The following DAB1 variants were observed in gnomAD, a reference collection of about 807,000 sequenced individuals.
The protein encoded by DAB1 is disabled homolog 1.
Under a neutral mutation model 64.6 loss-of-function variants are expected in DAB1, and 15 were observed. The observed-to-expected ratio is 0.23, with a 90% CI of 0.16 to 0.36. The LOEUF is 0.36. DAB1 is among the 10% of genes least tolerant of loss of function. DAB1 has a pLI of 1.00. For synonymous variants in DAB1, 235 were observed against 251.9 expected (o/e 0.93, Z 0.64); for missense variants, 596 against 706.7 (o/e 0.84, Z 1.78).
At position 57,611,931 on chromosome 1, in the gene DAB1, C is replaced by T. The variant is rs1570673202; in HGVS notation, n.625+37661G>A. Among the ~76,000 whole-genome samples, 6 of 152,296 alleles carry T rather than the reference C, an allele frequency of 3.9e-5. No individual in the cohort carries two copies. In the South Asian group the frequency reaches 1.2e-3, roughly 32 times the overall value. ...CCTGACTTCCTTCATAAGACCCACC[C>T]CCCTGCCAACTGTTATGTAGTGTCA... On this transcript the variant is annotated intron_variant and non_coding_transcript_variant, in intron 7 of 20. Transcript: ENST00000485760.
intron 6 of DAB1, among the ~76,000 whole-genome samples, chr1:57,692,106 G>T (rs3131770): frequency 6.6e-6 from 1 of 151,716 alleles, no homozygotes; most frequent in African/African-American, 2.4e-5. Context: ...GATTGACCCC[G>T]TGGCCACAAG....
chr1:57,987,227 C>G (rs573689205), intron 5 of DAB1, among the ~76,000 whole-genome samples: 2 of 152,308 alleles, frequency 1.3e-5, no homozygotes, highest in South Asian at 4.1e-4. Context: ...AACTGCAGCT[C>G]CCTGCACAGC....
intron 7 of DAB1, among the ~76,000 whole-genome samples, chr1:57,489,928 C>T (rs1570567809): frequency 6.6e-6 from 1 of 152,102 alleles, no homozygotes. Context: ...CCAATGTGAT[C>T]CATTTAGGAG....
rs116771892 is a variant in DAB1 at position 58,469,439 on chromosome 1, G to A, written n.257+36621C>T. Reference sequence around the variant, plus strand: ...ATTAGTTCCTTCCCTATCCCACTATGACATTATTAGGGGAAAAGAAATCTT... The same window carrying A: ...ATTAGTTCCTTCCCTATCCCACTATAACATTATTAGGGGAAAAGAAATCTT... On this transcript the variant is annotated intron_variant and non_coding_transcript_variant, in intron 3 of 20. Coordinates refer to the DAB1 transcript ENST00000485760. Among the ~76,000 whole-genome samples the A allele has an allele frequency of 2.4e-3, 363 of 151,850 alleles. 1 individual carries two copies. The highest frequency in any genetic ancestry group is 8.4e-3 in the African/African-American group (346 of 41,390).
intron 7 of DAB1, among the ~76,000 whole-genome samples, chr1:57,447,327 C>T (rs981257704): frequency 6.6e-6 from 1 of 152,142 alleles, no homozygotes; most frequent in Non-Finnish European, 1.5e-5. Context: ...CAAAGGATCC[C>T]TCCAACTAAT....
intron 4 of DAB1, among the ~76,000 whole-genome samples, chr1:58,269,403 C>T (rs892464137): frequency 2.0e-5 from 3 of 149,728 alleles, no homozygotes; most frequent in South Asian, 2.1e-4. Flanking sequence ...TTTTCTTAAT[C>T]CAGTCTATCA....
intron 4 of DAB1, among the ~76,000 whole-genome samples, chr1:58,178,329 T>C (rs1656599365): frequency 6.6e-6 from 1 of 152,104 alleles, no homozygotes; most frequent in Admixed American, 6.6e-5. Context: ...CATGCATGCA[T>C]ACATGCACAT....
At chr1:57,182,110 CT>C (rs1663021994) in intron 2 of DAB1, among the ~76,000 whole-genome samples, 1 of 152,152 alleles carries the variant, frequency 6.6e-6, no homozygotes, top group Non-Finnish European at 1.5e-5. Flanking sequence ...TAGTCTCGAT[CT>C]CCTGACCTTG....
intron 5 of DAB1, chr1:58,150,409 T>C (rs1017517899): frequency 2.6e-5 from 4 of 152,180 alleles, no homozygotes; most frequent in African/African-American, 9.7e-5. Context: ...CCATCCCCTA[T>C]TCACAGTCAA....
At chr1:57,248,028 G>A (rs1669018100) in intron 2 of DAB1, among the ~76,000 whole-genome samples, 2 of 152,062 alleles carry the variant, frequency 1.3e-5, no homozygotes, top group Admixed American at 1.3e-4. Context: ...TATCTAAGGG[G>A]GATTAGTTCC....
chr1:57,918,593 G>A (rs563812960), intron 5 of DAB1, among the ~76,000 whole-genome samples: 1 of 152,206 alleles, frequency 6.6e-6, no homozygotes, highest in Admixed American at 6.5e-5. Flanking sequence ...GGGAGGCCGG[G>A]GCGGGCAGAT....
At chr1:57,001,525 C>T (rs1473682151) in intron 14 of DAB1, among the ~76,000 whole-genome samples, 2 of 152,184 alleles carry the variant, frequency 1.3e-5, no homozygotes, top group South Asian at 2.1e-4. Context: ...TTATGTCTTT[C>T]CAGGATGATC....
intron 1 of DAB1, among the ~76,000 whole-genome samples, chr1:57,837,878 C>T (rs997026734): frequency 4.7e-5 from 7 of 150,356 alleles, no homozygotes; most frequent in Non-Finnish European, 8.9e-5. Context: ...CTCCCAACTC[C>T]ATCCCCCACC....
chr1:57,458,175 A>G (rs541759257), intron 7 of DAB1, among the ~76,000 whole-genome samples: 2 of 152,244 alleles, frequency 1.3e-5, no homozygotes, highest in East Asian at 3.9e-4. Context: ...TACATACTAT[A>G]TATATTCTTT....
At chr1:57,462,911 T>G (rs1374527593) in intron 7 of DAB1, among the ~76,000 whole-genome samples, 2 of 152,092 alleles carry the variant, frequency 1.3e-5, no homozygotes, top group Non-Finnish European at 2.9e-5. Flanking sequence ...CTTGGCATAC[T>G]CAAGGAAGGC....
intron 7 of DAB1, among the ~76,000 whole-genome samples, chr1:57,630,422 C>A (rs1558557213): frequency 6.6e-6 from 1 of 152,242 alleles, no homozygotes; most frequent in East Asian, 1.9e-4. Flanking sequence ...TCTCTTAAAG[C>A]TACACTAAGT....
chr1:57,302,293 T>A (rs964350441), intron 1 of DAB1, among the ~76,000 whole-genome samples: 1 of 152,028 alleles, frequency 6.6e-6, no homozygotes, highest in Non-Finnish European at 1.5e-5. Flanking sequence ...AATGTATTTA[T>A]TGGAACCATC....
rs181305420 is a variant in DAB1, at chr1:57,811,012, G to A, written n.551+72987C>T. Reference sequence around the variant, plus strand: ...AGCATTCCTTGGCTCTGGCCACATCGCTCCAATCTCTCTTCCATGGTCACA... The same window carrying A: ...AGCATTCCTTGGCTCTGGCCACATCACTCCAATCTCTCTTCCATGGTCACA... On this transcript the variant is annotated intron_variant and non_coding_transcript_variant, in intron 6 of 20. Coordinates refer to the DAB1 transcript ENST00000485760. Among the ~76,000 whole-genome samples the A allele has an allele frequency of 2.1e-3, 327 of 152,240 alleles. 2 individuals are homozygous for A. Among genetic ancestry groups the A allele is most frequent in the Non-Finnish European group, 2.5e-3 (172 of 68,008 alleles).
intron 7 of DAB1, among the ~76,000 whole-genome samples, chr1:57,554,088 C>A (rs1409372747): frequency 3.9e-5 from 6 of 152,106 alleles, no homozygotes; most frequent in Admixed American, 3.3e-4. Context: ...TTAAAGAAAA[C>A]ATGAAGCGAG....
Sources: allele counts gnomAD v4.1 joint callset (sites outside exome capture counted in the v4.1 genomes callset), GRCh38; gene constraint gnomAD v4.1.1; transcripts MANE v1.5; gene names NCBI Gene and HGNC (gene_info 2026-07-23, HGNC 2026-07-21).